Variants in MRTFB observed in about 807,000 individuals in gnomAD.
MRTFB encodes the protein myocardin related transcription factor B.
Under a neutral mutation model 104.2 loss-of-function variants are expected in MRTFB, and 29 were observed. That is an observed-to-expected ratio of 0.28 (90% CI 0.21 to 0.38). MRTFB has a LOEUF of 0.38. Among genes scored for constraint, MRTFB ranks in the 10% least tolerant of loss-of-function variants. The pLI, the probability that MRTFB is intolerant of heterozygous loss-of-function variation, is 1.00. For synonymous variants in MRTFB, 535 were observed against 519.5 expected (o/e 1.03, Z -0.41); for missense variants, 1,270 against 1,341.6 (o/e 0.95, Z 0.83).
intron 3 of MRTFB, among the ~76,000 whole-genome samples, chr16:14,161,911 A>G (rs1228911643): frequency 6.6e-6 from 1 of 152,220 alleles, no homozygotes; most frequent in Non-Finnish European, 1.5e-5. Flanking sequence ...TGGTGGGTAC[A>G]TAAACTGGTA....
Position 14,258,676 on chromosome 16 carries a change from G to T in MRTFB, c.2764+515G>T, listed in dbSNP as rs1021610134. ...AATAGCTTCAGAACTTGTTCCATGC[G>T]TATGTCATTGTAATGGGATGAAAAC... On this transcript the variant is annotated intron_variant, in intron 16 of 16. Coordinates refer to ENST00000571589, the MANE Select transcript of MRTFB (RefSeq NM_001308142.2). 7.2e-5 allele frequency among the ~76,000 whole-genome samples: 11 copies of T among 152,182 alleles called. 1 individual carries two copies. The highest frequency in any genetic ancestry group is 5.9e-4 in the Admixed American group (9 of 15,264).
chr16:14,245,925 C>T (rs1161064589), intron 11 of MRTFB, among the ~76,000 whole-genome samples: 1 of 152,092 alleles, frequency 6.6e-6, no homozygotes, highest in Middle Eastern at 3.2e-3. Context: ...TTTTTCTTCC[C>T]TGCTCAATGC....
chr16:14,022,325 A>T, the MRTFB span, among the ~76,000 whole-genome samples: 5 of 152,298 alleles, frequency 3.3e-5, no homozygotes, highest in South Asian at 6.2e-4. Flanking sequence ...TGCAGAGGAG[A>T]TAGGAGCCAG....
At chr16:14,173,497 A>T (rs1315594003) in intron 3 of MRTFB, among the ~76,000 whole-genome samples, 1 of 152,106 alleles carries the variant, frequency 6.6e-6, no homozygotes, top group Admixed American at 6.5e-5. Flanking sequence ...ACTGCTTATT[A>T]TTTGTGTATC....
intron 1 of MRTFB, among the ~76,000 whole-genome samples, chr16:14,073,316 A>T (rs2033844324): frequency 6.6e-6 from 1 of 152,138 alleles, no homozygotes; most frequent in Non-Finnish European, 1.5e-5. Flanking sequence ...CCAAACCCTA[A>T]ATGCCAGCGG....
intron 3 of MRTFB, among the ~76,000 whole-genome samples, chr16:14,187,957 G>A (rs764409855): frequency 3.9e-4 from 59 of 152,240 alleles, no homozygotes; most frequent in Non-Finnish European, 4.7e-4. Context: ...CCTCCCGCTC[G>A]CTCTTGCCCG....
chr16:14,116,615 C>G (rs543678141), intron 2 of MRTFB, among the ~76,000 whole-genome samples: 2 of 151,842 alleles, frequency 1.3e-5, no homozygotes, highest in African/African-American at 4.8e-5. Flanking sequence ...TACCAGATTT[C>G]TCTACCTTAG....
rs376774755 is a variant in MRTFB, at chr16:14,170,964, A to G, written c.154+30204A>G. On this transcript the variant is annotated intron_variant, in intron 3 of 16. Coordinates refer to ENST00000571589, the MANE Select transcript of MRTFB (RefSeq NM_001308142.2). ...GTTCTTCCTCCTTTTATTAACTTATATGATTATAGAATCATGGAGTCTGTG... is the reference window on the plus strand; with the variant it reads ...GTTCTTCCTCCTTTTATTAACTTATGTGATTATAGAATCATGGAGTCTGTG... 3.3e-5 allele frequency among the ~76,000 whole-genome samples: 5 copies of G among 152,286 alleles called. No homozygotes were observed. In the East Asian group the frequency reaches 7.7e-4, roughly 24 times the overall value.
chr16:14,050,446 C>T, the MRTFB span, among the ~76,000 whole-genome samples: 1 of 152,242 alleles, frequency 6.6e-6, no homozygotes, highest in Admixed American at 6.5e-5. Context: ...TCACCACAGC[C>T]TTGACCTCCC....
chr16:14,121,420 G>C (rs1418998991), intron 2 of MRTFB, among the ~76,000 whole-genome samples: 1 of 152,086 alleles, frequency 6.6e-6, no homozygotes, highest in Non-Finnish European at 1.5e-5. Context: ...CTGTTTTAAA[G>C]AACAAGAGCG....
chr16:14,162,054 G>A (rs1333088072), intron 3 of MRTFB, among the ~76,000 whole-genome samples: 3 of 147,034 alleles, frequency 2.0e-5, no homozygotes, highest in Non-Finnish European at 4.4e-5. Context: ...GGTGGCTCAT[G>A]CCTCTAATCC....
At chr16:14,248,271 C>G (rs1367116059) in intron 12 of MRTFB, 1 of 152,316 alleles carries the variant, frequency 6.6e-6, no homozygotes, top group Non-Finnish European at 1.5e-5. Flanking sequence ...GCTCCTCAGC[C>G]TCGACACCCA....
Position 14,210,268 on chromosome 16 carries a change from G to A in MRTFB, c.180G>A (p.Arg60=), listed in dbSNP as rs779571841. Residue 60 remains arginine, a synonymous_variant, in exon 4 of 17, where the codon AGG becomes AGA. Transcript: ENST00000571589. ...TGCTCCAGCTGAGGCTGCAACAAAG[G>A]AGGACGAGAGAACAACTAGTGGACC... ...KNVLQLRLQQ[R]RTREQLVDQG... 6 of 1,613,172 alleles carry A rather than the reference G, an allele frequency of 3.7e-6. No individual in the cohort carries two copies. In the South Asian group the frequency reaches 5.5e-5, roughly 15 times the overall value.
intron 2 of MRTFB, among the ~76,000 whole-genome samples, chr16:14,098,841 A>G (rs2035538921): frequency 6.6e-6 from 1 of 152,236 alleles, no homozygotes; most frequent in African/African-American, 2.4e-5. Flanking sequence ...TGAAATGACT[A>G]TTCTCACTTC....
intron 10 of MRTFB, among the ~76,000 whole-genome samples, chr16:14,242,253 G>A (rs1421320400): frequency 6.6e-6 from 1 of 151,998 alleles, no homozygotes; most frequent in Non-Finnish European, 1.5e-5. Flanking sequence ...CAGAGGTGTG[G>A]GCTTGCTGAA....
At chr16:14,195,478 G>A (rs1232660487) in intron 3 of MRTFB, 1 of 967,692 alleles carries the variant, frequency 1.0e-6, no homozygotes, top group Non-Finnish European at 1.2e-6. Context: ...ATATTTGAGT[G>A]TGTGTTTGTA....
the MRTFB span, among the ~76,000 whole-genome samples, chr16:14,042,764 C>A: frequency 6.6e-6 from 1 of 152,188 alleles, no homozygotes; most frequent in Admixed American, 6.5e-5. Flanking sequence ...AGGGGGGAAT[C>A]TACAGAGGAT....
In MRTFB at chr16:14,251,948, G is replaced by C; in HGVS notation, c.2490G>C (p.Lys830Asn). Reference protein sequence around the residue: ...APAVQQPFINKASNSVLQSRN... With the variant: ...APAVQQPFINNASNSVLQSRN... ...CTGTCCAGCAGCCCTTTATCAATAA[G>C]GCCTCCAACAGTGTTCTTCAATCCA... The change falls in exon 14 of 17, where the codon AAG becomes AAC. Residue 830 changes from lysine to asparagine, a missense_variant. Physicochemically the swap from Lys to Asn is moderately conservative, Grantham distance 94. Coordinates refer to ENST00000571589, the MANE Select transcript of MRTFB (RefSeq NM_001308142.2). 1 of 1,614,152 alleles carries C rather than the reference G, an allele frequency of 6.2e-7. No individual in the cohort carries two copies. Among genetic ancestry groups the C allele is most frequent in the Middle Eastern group, 1.6e-4 (1 of 6,062 alleles).
At chr16:14,059,997 ATTT>A in the MRTFB span, among the ~76,000 whole-genome samples, 88 of 99,702 alleles carry the variant, frequency 8.8e-4, no homozygotes, top group African/African-American at 2.7e-3. Context: ...GAGACATGTA[ATTT>A]TTTTTTTTTT....
Sources: gnomAD v4.1 joint callset for allele counts (sites outside exome capture counted in the v4.1 genomes callset) on GRCh38, gnomAD v4.1.1 for gene constraint, MANE v1.5 for transcripts, NCBI Gene and HGNC (gene_info 2026-07-23, HGNC 2026-07-21) for gene names.